Variants in ARHGAP26 observed in about 807,000 individuals in gnomAD.
ARHGAP26 encodes rho GTPase-activating protein 26.
In ARHGAP26, 38 loss-of-function variants were observed where a neutral mutation model predicts 104.8. The ratio of observed to expected loss-of-function variants is 0.36; its 90% CI spans 0.28 to 0.48. ARHGAP26 has a LOEUF of 0.48. Ranked by LOEUF, ARHGAP26 falls within the 20% of genes least tolerant of loss-of-function variation. The pLI, the probability that ARHGAP26 is intolerant of heterozygous loss-of-function variation, is 0.99. For missense variants in ARHGAP26, 704 were observed against 947.9 expected (o/e 0.74, Z 3.38); for synonymous variants, 341 against 340.0 (o/e 1.00, Z -0.03).
At chr5:142,907,065 G>A (rs976263439) in intron 8 of ARHGAP26, among the ~76,000 whole-genome samples, 3 of 152,158 alleles carry the variant, frequency 2.0e-5, no homozygotes, top group Non-Finnish European at 4.4e-5. Flanking sequence ...CCCTCTTGAG[G>A]TGACATACTA....
chr5:143,197,899 A>G lies in ARHGAP26; in HGVS notation c.1989-9299A>G, dbSNP rs1807111767. Among the ~76,000 whole-genome samples, 7 of 152,224 alleles carry G rather than the reference A, an allele frequency of 4.6e-5. No homozygotes were observed. The South Asian group carries it at 1.4e-3, about 32-fold the overall frequency. ...TAAAAGAGCACTTTCCACTAGTAGC[A>G]TAAAATCGTATAGGCCCATGATAAA... On this transcript the variant is annotated intron_variant, in intron 20 of 22. Coordinates refer to ENST00000645722, the MANE Select transcript of ARHGAP26 (RefSeq NM_001135608.3).
intron 14 of ARHGAP26, among the ~76,000 whole-genome samples, chr5:143,044,536 G>A (rs1253018502): frequency 1.3e-5 from 2 of 149,622 alleles, no homozygotes; most frequent in African/African-American, 4.9e-5. Context: ...ATGGCCCATG[G>A]CAGATGGCCT....
intron 17 of ARHGAP26, among the ~76,000 whole-genome samples, chr5:143,075,388 C>T (rs1387756650): frequency 1.3e-5 from 2 of 151,102 alleles, no homozygotes; most frequent in African/African-American, 2.4e-5. Context: ...GGGGAATAGA[C>T]TTTTAGGTCA....
At chr5:143,148,687 C>G (rs534503915) in intron 20 of ARHGAP26, among the ~76,000 whole-genome samples, 1 of 152,298 alleles carries the variant, frequency 6.6e-6, no homozygotes, top group African/African-American at 2.4e-5. Context: ...TTCCGGTTCT[C>G]CATGGCTGGG....
chr5:142,965,751 G>T (rs1365968577), intron 11 of ARHGAP26, among the ~76,000 whole-genome samples: 1 of 151,812 alleles, frequency 6.6e-6, no homozygotes, highest in South Asian at 2.1e-4. Flanking sequence ...CTCTTGCCTC[G>T]GCACCTGGGT....
chr5:142,994,561 A>G (rs1776111104), intron 11 of ARHGAP26, among the ~76,000 whole-genome samples: 1 of 152,156 alleles, frequency 6.6e-6, no homozygotes, highest in Admixed American at 6.5e-5. Context: ...TCCAAGCAGG[A>G]GGTGCTGAAC....
chr5:142,983,728 C>T (rs556192515), intron 11 of ARHGAP26, among the ~76,000 whole-genome samples: 1 of 152,224 alleles, frequency 6.6e-6, no homozygotes, highest in East Asian at 1.9e-4. Context: ...ATGAATATCA[C>T]TCATCTTAGA....
At chr5:142,966,686 T>C (rs529354662) in intron 11 of ARHGAP26, among the ~76,000 whole-genome samples, 5 of 152,356 alleles carry the variant, frequency 3.3e-5, no homozygotes, top group African/African-American at 1.2e-4. Context: ...AAGATAAAGA[T>C]TCTATACAGG....
chr5:142,839,980 T>C (rs1770437751), intron 1 of ARHGAP26, among the ~76,000 whole-genome samples: 1 of 152,076 alleles, frequency 6.6e-6, no homozygotes, highest in South Asian at 2.1e-4. Context: ...GTTCTTTTGG[T>C]TGAGGCAGTT....
chr5:142,913,787 A>G (rs1302725004), intron 10 of ARHGAP26, among the ~76,000 whole-genome samples: 2 of 152,252 alleles, frequency 1.3e-5, no homozygotes, highest in Non-Finnish European at 2.9e-5. Flanking sequence ...GTGCGTGCCC[A>G]GGAAAGACAC....
At chr5:143,038,758 C>A (rs1255037517) in intron 13 of ARHGAP26, among the ~76,000 whole-genome samples, 1 of 115,168 alleles carries the variant, frequency 8.7e-6, no homozygotes, top group East Asian at 3.0e-4. Flanking sequence ...TGCAGTAATG[C>A]AGTCTCGGTT....
chr5:143,104,382 G>T (rs180738854), intron 17 of ARHGAP26, among the ~76,000 whole-genome samples: 6 of 151,916 alleles, frequency 3.9e-5, no homozygotes, highest in Non-Finnish European at 5.9e-5. Context: ...GTAGTGGCAC[G>T]CACCTGTAAT....
intron 11 of ARHGAP26, among the ~76,000 whole-genome samples, chr5:142,955,398 A>G (rs1769088088): frequency 6.6e-6 from 1 of 152,240 alleles, no homozygotes; most frequent in Non-Finnish European, 1.5e-5. Flanking sequence ...GAAATATGGT[A>G]CATAGAAATT....
chr5:142,901,500 A>G (rs984804652), intron 6 of ARHGAP26, among the ~76,000 whole-genome samples: 1 of 152,172 alleles, frequency 6.6e-6, no homozygotes, highest in Non-Finnish European at 1.5e-5. Flanking sequence ...CTTCTGTGTA[A>G]TAACCTGATA....
intron 10 of ARHGAP26, 83 bp from the exon 11 acceptor site, chr5:142,931,964 T>C: frequency 7.7e-7 from 1 of 1,303,040 alleles, no homozygotes; most frequent in Non-Finnish European, 1.1e-6. Flanking sequence ...CTGACTCTTT[T>C]GAGTGGATGT....
chr5:142,861,453 C>T (rs1035946337), intron 1 of ARHGAP26, among the ~76,000 whole-genome samples: 5 of 151,268 alleles, frequency 3.3e-5, no homozygotes, highest in South Asian at 2.1e-4. Flanking sequence ...TTAGGAGTTG[C>T]CACCTTGCTT....
At chr5:143,031,616 A>C (rs995113344) in intron 12 of ARHGAP26, among the ~76,000 whole-genome samples, 1 of 149,620 alleles carries the variant, frequency 6.7e-6, no homozygotes, top group African/African-American at 2.5e-5. Flanking sequence ...AGTGAAAAGT[A>C]TCTCAGATGA....
At chr5:143,002,462 G>A (rs1375676721) in intron 11 of ARHGAP26, among the ~76,000 whole-genome samples, 1 of 152,114 alleles carries the variant, frequency 6.6e-6, no homozygotes, top group Non-Finnish European at 1.5e-5. Flanking sequence ...TTGGGAGGAT[G>A]GGAGGTGGTC....
intron 1 of ARHGAP26, among the ~76,000 whole-genome samples, chr5:142,787,645 A>G (rs888555236): frequency 2.6e-5 from 4 of 152,206 alleles, no homozygotes; most frequent in African/African-American, 7.2e-5. Flanking sequence ...TTCTGTCTAC[A>G]TAGGTTAGTC....
Sources: allele counts gnomAD v4.1 joint callset (sites outside exome capture counted in the v4.1 genomes callset), GRCh38; gene constraint gnomAD v4.1.1; transcripts MANE v1.5; gene names NCBI Gene and HGNC (gene_info 2026-07-23, HGNC 2026-07-21).